Variants in AKR1C8 observed in about 807,000 individuals in gnomAD.
AKR1C8 encodes the protein aldo-keto reductase family 1 member C8, also known as aldo-keto reductase family 1 member C-like protein 1.
At chr10:5,165,298 G>A in the AKR1C8 span, among the ~76,000 whole-genome samples, 3 of 152,210 alleles carry the variant, frequency 2.0e-5, no homozygotes, top group African/African-American at 7.2e-5. Context: ...TATAGGAACA[G>A]CCTATTAAGC....
chr10:5,167,162 A>G, the AKR1C8 span, among the ~76,000 whole-genome samples: 2 of 152,218 alleles, frequency 1.3e-5, no homozygotes, highest in African/African-American at 4.8e-5. Flanking sequence ...GTGGAGAAAT[A>G]GGAACACTTT....
At chr10:5,148,084 G>A in the AKR1C8 span, among the ~76,000 whole-genome samples, 1 of 152,052 alleles carries the variant, frequency 6.6e-6, no homozygotes, top group Non-Finnish European at 1.5e-5. Flanking sequence ...CAGGTGTGAG[G>A]CCTCTGGCTT....
the AKR1C8 span, among the ~76,000 whole-genome samples, chr10:5,128,460 C>T: frequency 5.5e-3 from 837 of 152,030 alleles, 14 homozygotes; most frequent in African/African-American, 0.019. Flanking sequence ...ACATAAATGG[C>T]CTAAATGCTC....
chr10:5,128,338 T>A, the AKR1C8 span, among the ~76,000 whole-genome samples: 1 of 152,102 alleles, frequency 6.6e-6, no homozygotes, highest in Admixed American at 6.6e-5. Flanking sequence ...CCTGAAAGCA[T>A]AAAACTCACA....
chr10:5,180,125 A>G, the AKR1C8 span, among the ~76,000 whole-genome samples: 5 of 152,000 alleles, frequency 3.3e-5, 1 homozygote, highest in Non-Finnish European at 7.4e-5. Context: ...TTGGTCTTTG[A>G]TGATGGTGAT....
At chr10:5,182,936 T>C in the AKR1C8 span, among the ~76,000 whole-genome samples, 1 of 152,014 alleles carries the variant, frequency 6.6e-6, no homozygotes, top group African/African-American at 2.4e-5. Context: ...TTCTTACTAT[T>C]CTTTATACAG....
At chr10:5,159,740 C>A in the AKR1C8 span, 1 of 458,982 alleles carries the variant, frequency 2.2e-6, no homozygotes, top group Admixed American at 2.5e-5. Context: ...TCAAATTGCT[C>A]TTTCTCTGGT....
the AKR1C8 span, among the ~76,000 whole-genome samples, chr10:5,121,827 C>A: frequency 6.6e-6 from 1 of 151,972 alleles, no homozygotes; most frequent in Non-Finnish European, 1.5e-5. Flanking sequence ...AAGCGTAGGA[C>A]CCAGGCACAG....
the AKR1C8 span, among the ~76,000 whole-genome samples, chr10:5,134,563 T>C: frequency 6.6e-6 from 1 of 152,186 alleles, no homozygotes; most frequent in South Asian, 2.1e-4. Context: ...TCTAGTTTTT[T>C]CTTAAAGTTA....
At chr10:5,124,720 C>G in the AKR1C8 span, among the ~76,000 whole-genome samples, 2 of 152,112 alleles carry the variant, frequency 1.3e-5, no homozygotes, top group Non-Finnish European at 2.9e-5. Flanking sequence ...AACTTTACCT[C>G]TTGATAATTA....
At chr10:5,143,179 C>A in the AKR1C8 span, among the ~76,000 whole-genome samples, 1 of 152,158 alleles carries the variant, frequency 6.6e-6, no homozygotes, top group South Asian at 2.1e-4. Context: ...ATATGGGAAA[C>A]AACCCTTCTA....
chr10:5,161,095 G>T, the AKR1C8 span, among the ~76,000 whole-genome samples: 3 of 152,114 alleles, frequency 2.0e-5, no homozygotes, highest in Non-Finnish European at 4.4e-5. Context: ...GTGTTTGCAT[G>T]CATGTGTGGA....
the AKR1C8 span, among the ~76,000 whole-genome samples, chr10:5,116,942 G>A: frequency 5.9e-5 from 9 of 152,160 alleles, no homozygotes; most frequent in African/African-American, 9.7e-5. Flanking sequence ...CTTGTTGGCC[G>A]AAGATTCATT....
the AKR1C8 span, among the ~76,000 whole-genome samples, chr10:5,172,612 C>T: frequency 6.6e-6 from 1 of 151,976 alleles, no homozygotes; most frequent in Non-Finnish European, 1.5e-5. Flanking sequence ...AATTTTGACA[C>T]CTTATAGTAT....
At chr10:5,132,527 T>A in the AKR1C8 span, 1 of 1,267,448 alleles carries the variant, frequency 7.9e-7, no homozygotes, top group African/African-American at 1.5e-5. Flanking sequence ...CACCTACAGA[T>A]CCAGTTACAG....
At chr10:5,174,197 G>A in the AKR1C8 span, among the ~76,000 whole-genome samples, 2 of 149,998 alleles carry the variant, frequency 1.3e-5, no homozygotes, top group African/African-American at 4.9e-5. Context: ...AATCCAATCA[G>A]AAGACTGACA....
the AKR1C8 span, among the ~76,000 whole-genome samples, chr10:5,161,555 T>C: frequency 6.6e-6 from 1 of 152,132 alleles, no homozygotes; most frequent in Non-Finnish European, 1.5e-5. Context: ...AGGGCTTCCA[T>C]TCAGGAACAC....
At chr10:5,159,744 C>T in the AKR1C8 span, 44 of 460,526 alleles carry the variant, frequency 9.6e-5, no homozygotes, top group Middle Eastern at 7.2e-4. Context: ...ATTGCTCTTT[C>T]TCTGGTATCT....
At chr10:5,156,709 G>A in the AKR1C8 span, among the ~76,000 whole-genome samples, 7 of 151,986 alleles carry the variant, frequency 4.6e-5, no homozygotes, top group Non-Finnish European at 1.0e-4. Flanking sequence ...AAATAAAATG[G>A]GCATTTTTTG....
Sources: gnomAD v4.1 joint callset for allele counts (sites outside exome capture counted in the v4.1 genomes callset) on GRCh38, gnomAD v4.1.1 for gene constraint, MANE v1.5 for transcripts, NCBI Gene and HGNC (gene_info 2026-07-23, HGNC 2026-07-21) for gene names.